SCYL1: variants seen among roughly 807,000 people sequenced by gnomAD.
SCYL1 encodes the protein N-terminal kinase-like protein.
SCYL1 carries 85 observed loss-of-function variants against 94.8 expected under a neutral mutation model. The ratio of observed to expected loss-of-function variants is 0.90; its 90% CI spans 0.75 to 1.07. The LOEUF is 1.07. Among genes scored for constraint, SCYL1 ranks in the 50% least tolerant of loss-of-function variants. The pLI, the probability that SCYL1 is intolerant of heterozygous loss-of-function variation, is 0.00. For synonymous variants in SCYL1, 459 were observed against 435.5 expected (o/e 1.05, Z -0.67); for missense variants, 968 against 1,083.3 (o/e 0.89, Z 1.49).
At chr11:65,535,157 A>T in intron 9 of SCYL1, 70 bp from the exon 10 acceptor site, 1 of 1,577,936 alleles carries the variant, frequency 6.3e-7, no homozygotes, top group South Asian at 1.1e-5. Flanking sequence ...GAGGGCTGCC[A>T]GGAGGCTGTT....
At chr11:65,535,050 G>A in intron 9 of SCYL1, 177 bp from the exon 10 acceptor site, 1 of 708,546 alleles carries the variant, frequency 1.4e-6, no homozygotes, top group African/African-American at 1.8e-5. Context: ...TGCTGTAAAG[G>A]GGGACAGAAA....
intron 14 of SCYL1, among the ~76,000 whole-genome samples, chr11:65,537,598 A>T (rs1855743167): frequency 6.6e-6 from 1 of 152,134 alleles, no homozygotes; most frequent in Non-Finnish European, 1.5e-5. Context: ...GGCTGTTGGA[A>T]GGGGCATCTA....
intron 7 of SCYL1, 44 bp downstream of exon 7, chr11:65,530,831 GA>G (rs34245138): frequency 1.3e-6 from 2 of 1,569,554 alleles, no homozygotes; most frequent in African/African-American, 2.7e-5. Flanking sequence ...GGGTGCACAG[GA>G]ACTGCCAAAG....
chr11:65,538,223 C>T (rs772483810), intron 16 of SCYL1, 41 bp downstream of exon 16: 4 of 1,557,086 alleles, frequency 2.6e-6, no homozygotes, highest in East Asian at 2.4e-5. Flanking sequence ...AGATGGTGGA[C>T]CTCAGCCAGA....
rs1403816460 is a variant in SCYL1, at chr11:65,525,210, G to A, written c.57G>A (p.Glu19=). 4 of 1,457,850 alleles carry A rather than the reference G, an allele frequency of 2.7e-6. No individual in the cohort carries two copies. Among genetic ancestry groups the A allele is most frequent in the Non-Finnish European group, 2.7e-6 (3 of 1,100,992 alleles). The allele number at this position is 1,457,850 out of a possible 1,614,324, so 90.3% of individuals were successfully genotyped here. The change falls in exon 1 of 18, where the codon GAG becomes GAA. Residue 19 remains glutamate (E), a synonymous_variant. Coordinates refer to ENST00000270176, the MANE Select transcript of SCYL1 (RefSeq NM_020680.4). The part of the protein sequence containing the change: ...VRDFPFELIP[E]PPEGGLPGPW... ...ACTTTCCGTTCGAGCTCATCCCGGA[G>A]CCCCCAGAGGGCGGCCTGCCCGGGC...
chr11:65,537,506 G>A (rs1590746202), intron 14 of SCYL1, among the ~76,000 whole-genome samples: 1 of 152,242 alleles, frequency 6.6e-6, no homozygotes, highest in East Asian at 1.9e-4. Context: ...GCTGAGGGAG[G>A]ACTGGGGCTG....
chr11:65,528,852 G>C (rs1855223096), intron 6 of SCYL1, among the ~76,000 whole-genome samples: 2 of 152,208 alleles, frequency 1.3e-5, no homozygotes, highest in Non-Finnish European at 2.9e-5. Flanking sequence ...CATTGGAGCT[G>C]GGGCCTGAAG....
In SCYL1 at chr11:65,535,336, ACAC is replaced by A. The variant is rs772710229; in HGVS notation, c.1344_1346del (p.Thr449del). On this transcript the variant is annotated inframe_deletion, in exon 10 of 18. Transcript: ENST00000270176. ...GATGAACAGGGCCCCATCCGCTGCA[ACAC>A]CACAGTCTGCCTGGGCAAAATCGGC... is the stretch of plus-strand genomic sequence containing the variant. 1.2e-6 allele frequency: 2 copies of A among 1,614,136 alleles called. No homozygotes were observed. Among genetic ancestry groups the A allele is most frequent in the African/African-American group, 2.7e-5 (2 of 74,952 alleles).
chr11:65,537,755 C>G (rs1855758621), intron 14 of SCYL1, 54 bp from the exon 15 acceptor site: 1 of 1,443,182 alleles, frequency 6.9e-7, no homozygotes. Flanking sequence ...CTGGGGCGGG[C>G]TCACTTGCCC....
intron 9 of SCYL1, chr11:65,533,036 C>T: frequency 1.9e-6 from 1 of 524,220 alleles, no homozygotes; most frequent in South Asian, 2.0e-5. Flanking sequence ...TGGGAGGCAG[C>T]ATGCATGAGG....
rs1590745367 is a variant in SCYL1 at position 65,537,262 on chromosome 11, A to C, written c.1959+134A>C. The C allele has an allele frequency of 1.5e-5, 15 of 981,088 alleles. No individual in the cohort carries two copies. The East Asian group carries it at 3.9e-4, about 26-fold the overall frequency. 60.8% of individuals were successfully genotyped at this position (981,088 alleles called of 1,614,324 possible). A position where few individuals can be genotyped will look rare whatever the true frequency, so the allele number is the denominator to read the frequency against. On this transcript the variant is annotated intron_variant, in intron 14 of 17. Coordinates refer to ENST00000270176, the MANE Select transcript of SCYL1 (RefSeq NM_020680.4). ...ACAGCATCCCTGGCACGTAGGCCTC[A>C]TGGAGTGGCCATTGTAGGCCAGAGC...
rs55662663 is a variant in SCYL1 at position 65,525,992 on chromosome 11, G to C, written c.324G>C (p.Glu108Asp). The C allele has an allele frequency of 1.2e-6, 2 of 1,613,456 alleles. No individual in the cohort carries two copies. Among genetic ancestry groups the C allele is most frequent in the Non-Finnish European group, 1.7e-6 (2 of 1,179,970 alleles). The change falls in exon 3 of 18, where the codon GAG becomes GAC. Residue 108 changes from glutamate (E) to aspartate (D), a missense_variant. This residue lies in a region of SCYL1 where 494 missense variants were observed against 619.7 expected (regional missense o/e 0.80). Transcript: ENST00000270176. ...GAATATACCTCAAGGCGAGAGTGGA[G>C]GCTGGTGGCCTGAAGGAGCTGGAGA... ...PLGIYLKARV[E>D]AGGLKELEIS...
In SCYL1 at chr11:65,537,002, C is replaced by A; in HGVS notation, c.1833C>A (p.Ala611=). The part of the protein sequence containing the change: ...RPTPEGVPAP[A]PTPVPATPTT... Reference sequence around the variant, plus strand: ...GCTCCCCAGGAGTTCCTGCCCCAGCCCCCACCCCTGTTCCTGCCACCCCTA... The same window carrying A: ...GCTCCCCAGGAGTTCCTGCCCCAGCACCCACCCCTGTTCCTGCCACCCCTA... Residue 611 remains alanine, a synonymous_variant, in exon 14 of 18, where the codon GCC becomes GCA. Transcript: ENST00000270176. The A allele has an allele frequency of 1.2e-6, 2 of 1,612,282 alleles. No homozygotes were observed. The highest frequency in any genetic ancestry group is 1.7e-6 in the Non-Finnish European group (2 of 1,178,676).
rs896574076 is a variant in SCYL1 at position 65,531,456 on chromosome 11, GC to G, written c.1009-112del. 1.5e-4 allele frequency: 109 copies of G among 718,746 alleles called. No individual in the cohort carries two copies. In the Middle Eastern group the frequency reaches 2.2e-3, roughly 15 times the overall value. The allele number at this position is 718,746 out of a possible 1,614,324, so 44.5% of individuals were successfully genotyped here. Reference sequence around the variant, plus strand: ...TAGAGGAGCTACTGAGGAAATGCCTGCCCCCCCCTCCGCCATCACTTCATTC... The same window carrying G: ...TAGAGGAGCTACTGAGGAAATGCCTGCCCCCCCTCCGCCATCACTTCATTC... On this transcript the variant is annotated intron_variant, in intron 7 of 17. Coordinates refer to ENST00000270176, the MANE Select transcript of SCYL1 (RefSeq NM_020680.4).
chr11:65,538,672 C>T lies in SCYL1; in HGVS notation c.*106C>T. 3 of 1,309,390 alleles carry T rather than the reference C, an allele frequency of 2.3e-6. No homozygotes were observed. Among genetic ancestry groups the T allele is most frequent in the Non-Finnish European group, 3.1e-6 (3 of 970,222 alleles). 81.1% of individuals were successfully genotyped at this position (1,309,390 alleles called of 1,614,324 possible). A position where few individuals can be genotyped will look rare whatever the true frequency, so the allele number is the denominator to read the frequency against. On this transcript the variant is annotated 3_prime_UTR_variant, in exon 18 of 18. Transcript: ENST00000270176. ...GCCCAGCCAGGCCATCTCACGTGTA[C>T]ATAATCAGAGCCACAATAAATTCTA...
rs1334795987 is a variant in SCYL1 at position 65,531,488 on chromosome 11, C to CTG, written c.1009-87_1009-86dup. On this transcript the variant is annotated intron_variant, in intron 7 of 17. Coordinates refer to ENST00000270176, the MANE Select transcript of SCYL1 (RefSeq NM_020680.4). The stretch of plus-strand genomic sequence containing the variant: ...CCTCCGCCATCACTTCATTCCCACC[C>CTG]TGGGATATCAGCCCCAGGAATTTAG... The CTG allele has an allele frequency of 1.0e-5, 10 of 966,694 alleles. No individual in the cohort carries two copies. The East Asian group carries it at 2.5e-4, about 25-fold the overall frequency. The allele number at this position is 966,694 out of a possible 1,614,324, so 59.9% of individuals were successfully genotyped here. A position where few individuals can be genotyped will look rare whatever the true frequency, so the allele number is the denominator to read the frequency against.
intron 6 of SCYL1, among the ~76,000 whole-genome samples, chr11:65,529,098 C>T (rs938971205): frequency 2.0e-5 from 3 of 152,150 alleles, no homozygotes; most frequent in South Asian, 2.1e-4. Context: ...GGGAAGACAG[C>T]GGGGGCTGAG....
Position 65,526,556 on chromosome 11 carries a change from T to C in SCYL1, c.602+206T>C, listed in dbSNP as rs1453700232. ...GGACACAGCATTCGGGGTTGGGTGATTCTGAACTTGAAAGCTCTGTGACCT... is the reference window on the plus strand; with the variant it reads ...GGACACAGCATTCGGGGTTGGGTGACTCTGAACTTGAAAGCTCTGTGACCT... On this transcript the variant is annotated intron_variant, in intron 4 of 17. Transcript: ENST00000270176. This position sits in a 1 kb window ranked among gnomAD's most constrained non-coding sequence, Gnocchi z 4.1. Among the ~76,000 whole-genome samples the C allele has an allele frequency of 6.6e-6, 1 of 152,136 alleles. No homozygotes were observed. Among genetic ancestry groups the C allele is most frequent in the African/African-American group, 2.4e-5 (1 of 41,418 alleles).
rs201331716 is a variant in SCYL1 at position 65,525,557 on chromosome 11, C to T, written c.112-17C>T. The stretch of plus-strand genomic sequence containing the variant: ...AACAGCTCTGGGACCATCTCAGGCC[C>T]CGCTGCCCTCCCCTAGGCCACAGGC... On this transcript the variant is annotated splice_polypyrimidine_tract_variant and intron_variant, in intron 1 of 17. Transcript: ENST00000270176. 6.2e-6 allele frequency: 10 copies of T among 1,609,542 alleles called. No individual in the cohort carries two copies. The African/African-American group carries it at 1.3e-4, about 21-fold the overall frequency.
Sources: allele counts gnomAD v4.1 joint callset (sites outside exome capture counted in the v4.1 genomes callset), GRCh38; gene constraint gnomAD v4.1.1; regional missense constraint gnomAD v4.1.1; non-coding constraint Gnocchi (gnomAD v3.1); transcripts MANE v1.5; gene names NCBI Gene and HGNC (gene_info 2026-07-23, HGNC 2026-07-21).